Variants in CMSS1 observed in about 807,000 individuals in gnomAD.
CMSS1 encodes cms1 ribosomal small subunit homolog, also known as protein CMSS1.
In CMSS1, 33 loss-of-function variants were observed where a neutral mutation model predicts 43.5. The observed-to-expected ratio is 0.76, with a 90% CI of 0.57 to 1.01. The LOEUF (loss-of-function observed/expected upper bound fraction) is 1.01. Among genes scored for constraint, CMSS1 ranks in the 50% least tolerant of loss-of-function variants. CMSS1 has a pLI of 0.00. For missense variants in CMSS1, 313 were observed against 326.4 expected, an observed-to-expected ratio of 0.96 and a Z score of 0.32; for synonymous variants, 115 against 117.2, an observed-to-expected ratio of 0.98 and a Z score of 0.12.
intron 1 of CMSS1, among the ~76,000 whole-genome samples, chr3:99,864,731 T>C (rs1174019865): frequency 6.6e-6 from 1 of 152,070 alleles, no homozygotes; most frequent in Admixed American, 6.6e-5. Flanking sequence ...ACCAGCTTCT[T>C]TGCTATTCCT....
intron 1 of CMSS1, among the ~76,000 whole-genome samples, chr3:99,958,876 C>T (rs1342443930): frequency 6.6e-6 from 1 of 152,182 alleles, no homozygotes; most frequent in Non-Finnish European, 1.5e-5. Context: ...TTTGGCTTTA[C>T]ACTTAGGCAG....
intron 2 of CMSS1, among the ~76,000 whole-genome samples, chr3:100,150,078 C>T (rs1425202877): frequency 1.3e-5 from 2 of 152,150 alleles, no homozygotes; most frequent in African/African-American, 4.8e-5. Flanking sequence ...CCTTCATCCT[C>T]TCTCTCCCAC....
intron 1 of CMSS1, among the ~76,000 whole-genome samples, chr3:99,968,927 G>C (rs1000386492): frequency 6.6e-6 from 1 of 151,698 alleles, no homozygotes; most frequent in African/African-American, 2.4e-5. Flanking sequence ...AGAAGGAAGG[G>C]TATGGTTTCT....
At chr3:99,980,442 A>G (rs1233866050) in intron 1 of CMSS1, among the ~76,000 whole-genome samples, 1 of 152,234 alleles carries the variant, frequency 6.6e-6, no homozygotes, top group East Asian at 1.9e-4. Context: ...GGTCTGAGGC[A>G]GTTCCTCATA....
chr3:100,150,860 A>G (rs1321383343), intron 2 of CMSS1, among the ~76,000 whole-genome samples: 1 of 152,232 alleles, frequency 6.6e-6, no homozygotes, highest in Non-Finnish European at 1.5e-5. Flanking sequence ...TTCCCAGAAT[A>G]TAAACCCTTA....
chr3:100,122,513 T>C (rs1430824388), intron 1 of CMSS1, among the ~76,000 whole-genome samples: 2 of 152,248 alleles, frequency 1.3e-5, no homozygotes, highest in Admixed American at 6.5e-5. Context: ...AGCTTCACAA[T>C]AGCTCCCCAG....
intron 1 of CMSS1, among the ~76,000 whole-genome samples, chr3:100,045,686 T>C (rs1347374337): frequency 1.3e-5 from 2 of 152,204 alleles, no homozygotes; most frequent in Non-Finnish European, 2.9e-5. Flanking sequence ...TTGAGAAATA[T>C]CTGTCTAAAT....
At chr3:99,850,444 T>G (rs764868770) in intron 1 of CMSS1, 1 of 1,613,952 alleles carries the variant, frequency 6.2e-7, no homozygotes, top group African/African-American at 1.3e-5. Context: ...TTTAAAGTCT[T>G]TACTCTGTAA....
chr3:99,966,337 T>C (rs1254825256), intron 1 of CMSS1, among the ~76,000 whole-genome samples: 1 of 152,130 alleles, frequency 6.6e-6, no homozygotes, highest in East Asian at 1.9e-4. Context: ...TCCTTTCTGT[T>C]TCTTTCATAG....
At chr3:99,997,862 C>T (rs929356753) in intron 1 of CMSS1, among the ~76,000 whole-genome samples, 2 of 152,150 alleles carry the variant, frequency 1.3e-5, no homozygotes, top group African/African-American at 4.8e-5. Context: ...TTACACAAAC[C>T]TTAATAAAAT....
chr3:100,126,531 A>G (rs1559765748), intron 1 of CMSS1, among the ~76,000 whole-genome samples: 2 of 152,198 alleles, frequency 1.3e-5, no homozygotes, highest in Non-Finnish European at 2.9e-5. Context: ...AGGCCATTAT[A>G]TCTTTATCAT....
At chr3:99,881,529 C>T (rs1193196822) in intron 1 of CMSS1, among the ~76,000 whole-genome samples, 2 of 149,266 alleles carry the variant, frequency 1.3e-5, no homozygotes, top group African/African-American at 5.0e-5. Context: ...TAGCCCATCT[C>T]TCTCTCTCTT....
chr3:99,876,461 G>GT (rs1283526054), intron 1 of CMSS1, among the ~76,000 whole-genome samples: 1 of 152,254 alleles, frequency 6.6e-6, no homozygotes, highest in East Asian at 1.9e-4. Flanking sequence ...CGATCCGCTT[G>GT]TAACTTTTTT....
chr3:99,820,581 C>A (rs2107473486), intron 1 of CMSS1, among the ~76,000 whole-genome samples: 1 of 152,276 alleles, frequency 6.6e-6, no homozygotes, highest in East Asian at 1.9e-4. Context: ...TAAGTATATG[C>A]CTTTATTTGA....
At chr3:99,850,405 A>T (rs760419965) in intron 1 of CMSS1, 2 of 1,613,796 alleles carry the variant, frequency 1.2e-6, no homozygotes, top group Non-Finnish European at 1.7e-6. Flanking sequence ...CAGAGCCATA[A>T]TTCTTTTACT....
chr3:99,979,832 A>T (rs1321771296), intron 1 of CMSS1, among the ~76,000 whole-genome samples: 1 of 152,212 alleles, frequency 6.6e-6, no homozygotes, highest in Non-Finnish European at 1.5e-5. Flanking sequence ...GGGAGACAAG[A>T]TGAGTTCACA....
intron 1 of CMSS1, among the ~76,000 whole-genome samples, chr3:100,105,486 G>A (rs1219296942): frequency 6.6e-6 from 1 of 152,100 alleles, no homozygotes; most frequent in African/African-American, 2.4e-5. Context: ...CTAATTCTGG[G>A]GCAAAAGGGA....
At chr3:100,115,559 CTCTCTCTCTCTCTCT>C (rs2066554098) in intron 1 of CMSS1, among the ~76,000 whole-genome samples, 1 of 119,878 alleles carries the variant, frequency 8.3e-6, no homozygotes, top group African/African-American at 3.5e-5. Context: ...CTTTCTCTTT[CTCTCTCTCTCTCTCT>C]GTCTCTCTCT....
At chr3:99,972,661 T>C (rs1408521498) in intron 1 of CMSS1, among the ~76,000 whole-genome samples, 2 of 152,130 alleles carry the variant, frequency 1.3e-5, no homozygotes, top group South Asian at 4.1e-4. Flanking sequence ...CACCACCCTG[T>C]TGGGAAAGAT....
Sources: gnomAD v4.1 joint callset for allele counts (sites outside exome capture counted in the v4.1 genomes callset) on GRCh38, gnomAD v4.1.1 for gene constraint, MANE v1.5 for transcripts, NCBI Gene and HGNC (gene_info 2026-07-23, HGNC 2026-07-21) for gene names.